Variants in CRCP observed in about 807,000 individuals in gnomAD.
CRCP encodes the protein CGRP receptor component, also known as DNA-directed RNA polymerase III subunit RPC9.
In CRCP, 18 loss-of-function variants were observed where a neutral mutation model predicts 18.5. The observed-to-expected ratio is 0.97, with a 90% CI of 0.67 to 1.44. The LOEUF (loss-of-function observed/expected upper bound fraction) is 1.44. Ranked by LOEUF, CRCP falls within the 40% of genes most tolerant of loss-of-function variation. The pLI, the probability that CRCP is intolerant of heterozygous loss-of-function variation, is 0.00. For missense variants in CRCP, 130 were observed against 176.4 expected, an observed-to-expected ratio of 0.74 and a Z score of 1.49; for synonymous variants, 53 against 62.9, an observed-to-expected ratio of 0.84 and a Z score of 0.75.
At chr7:66,132,374 G>A (rs1054118143) in intron 3 of CRCP, among the ~76,000 whole-genome samples, 8 of 151,992 alleles carry the variant, frequency 5.3e-5, no homozygotes, top group South Asian at 2.1e-4. Context: ...CCAAAGTCTC[G>A]TCAAGTATTT....
chr7:66,141,338 G>C (rs1292913670), intron 4 of CRCP, among the ~76,000 whole-genome samples: 3 of 151,802 alleles, frequency 2.0e-5, no homozygotes, highest in East Asian at 3.9e-4. Flanking sequence ...TTTTTTCATA[G>C]TCATTAACCA....
intron 5 of CRCP, 105 bp from the exon 6 acceptor site, chr7:66,152,103 T>G (rs948912197): frequency 3.9e-6 from 5 of 1,293,736 alleles, no homozygotes; most frequent in Non-Finnish European, 5.4e-6. Context: ...GGCTGTGAGG[T>G]CTGTGTGCCA....
intron 5 of CRCP, among the ~76,000 whole-genome samples, chr7:66,151,702 T>TAA: frequency 6.6e-6 from 1 of 151,118 alleles, no homozygotes; most frequent in African/African-American, 2.4e-5. Context: ...TGTGTGTGTG[T>TAA]GTGTGTGTGT....
At chr7:66,151,814 C>T (rs775187424) in intron 5 of CRCP, among the ~76,000 whole-genome samples, 28 of 141,440 alleles carry the variant, frequency 2.0e-4, no homozygotes, top group Admixed American at 9.6e-4. Flanking sequence ...GTGCTTGGCT[C>T]GACCTCCTGG....
Position 66,144,986 on chromosome 7 carries a change from T to TA in CRCP, c.240-450dup, listed in dbSNP as rs574006920. Among the ~76,000 whole-genome samples, 340 of 152,000 alleles carry TA rather than the reference T, an allele frequency of 2.2e-3. 1 individual carries two copies. Among genetic ancestry groups the TA allele is most frequent in the African/African-American group, 7.0e-3 (290 of 41,470 alleles). Reference sequence around the variant, plus strand: ...CAACATGATGAAACCCCATCTCTGCTAAAAAAATACCAAAAATTTACTGGG... The same window carrying TA: ...CAACATGATGAAACCCCATCTCTGCTAAAAAAAATACCAAAAATTTACTGGG... On this transcript the variant is annotated intron_variant, in intron 4 of 5. Coordinates refer to ENST00000395326, the MANE Select transcript of CRCP (RefSeq NM_014478.5).
chr7:66,120,183 C>CA (rs929961681), intron 1 of CRCP, among the ~76,000 whole-genome samples: 7 of 139,796 alleles, frequency 5.0e-5, no homozygotes, highest in Admixed American at 3.6e-4. Context: ...GACCCCGTCT[C>CA]AAAAAAAAAG....
intron 3 of CRCP, 108 bp downstream of exon 3, chr7:66,130,950 A>C (rs1328539799): frequency 4.3e-6 from 3 of 698,736 alleles, no homozygotes; most frequent in Non-Finnish European, 7.7e-6. Flanking sequence ...TATGATCTGA[A>C]TGTTTTATTC....
At chr7:66,138,513 C>T (rs1327499297) in intron 4 of CRCP, among the ~76,000 whole-genome samples, 18 of 150,832 alleles carry the variant, frequency 1.2e-4, no homozygotes, top group African/African-American at 3.2e-4. Flanking sequence ...AGCCTGGGCG[C>T]GGTGGCTCAC....
intron 4 of CRCP, 57 bp from the exon 5 acceptor site, chr7:66,145,386 T>C: frequency 6.4e-7 from 1 of 1,563,534 alleles, no homozygotes; most frequent in Non-Finnish European, 8.8e-7. Flanking sequence ...TGCAGCTCAG[T>C]CAGGACTCAG....
chr7:66,151,306 A>C (rs1259511139), intron 5 of CRCP, among the ~76,000 whole-genome samples: 1 of 151,868 alleles, frequency 6.6e-6, no homozygotes, highest in Non-Finnish European at 1.5e-5. Flanking sequence ...ACAGTGGCTC[A>C]CGCCTGTAAT....
chr7:66,133,858 C>CTTTTTT, intron 3 of CRCP, among the ~76,000 whole-genome samples: 1 of 96,710 alleles, frequency 1.0e-5, no homozygotes, highest in Non-Finnish European at 2.0e-5. Flanking sequence ...TTTTTGTTTT[C>CTTTTTT]TTTTTTTTTT....
At chr7:66,132,668 C>A (rs1293445642) in intron 3 of CRCP, among the ~76,000 whole-genome samples, 1 of 152,168 alleles carries the variant, frequency 6.6e-6, no homozygotes, top group African/African-American at 2.4e-5. Flanking sequence ...GTAATCCCAG[C>A]ACTTTGGGAG....
intron 3 of CRCP, among the ~76,000 whole-genome samples, chr7:66,131,952 G>T (rs1402682184): frequency 1.9e-5 from 1 of 52,154 alleles, no homozygotes; most frequent in Non-Finnish European, 3.9e-5. Flanking sequence ...GTAGAGACAG[G>T]GTTTCTCCAT....
At chr7:66,138,773 A>T (rs1163115475) in intron 4 of CRCP, among the ~76,000 whole-genome samples, 3 of 147,558 alleles carry the variant, frequency 2.0e-5, no homozygotes, top group Non-Finnish European at 4.5e-5. Context: ...GGCCTGGGGG[A>T]CAGAGCGAGA....
At chr7:66,141,934 G>A (rs1788153358) in intron 4 of CRCP, among the ~76,000 whole-genome samples, 1 of 152,154 alleles carries the variant, frequency 6.6e-6, no homozygotes, top group Admixed American at 6.5e-5. Context: ...CCACAGCAGT[G>A]CTCAGCTCCT....
chr7:66,114,874 C>G lies in CRCP; in HGVS notation c.-89C>G. 6.2e-7 allele frequency: 1 copy of G among 1,606,082 alleles called. No homozygotes were observed. The highest frequency in any genetic ancestry group is 1.7e-5 in the Admixed American group (1 of 59,764). On this transcript the variant is annotated 5_prime_UTR_variant, in exon 1 of 6. Coordinates refer to ENST00000395326, the MANE Select transcript of CRCP (RefSeq NM_014478.5). ...CGAGCACCTTGGCGCGCGGAGCTGGCACCTTGGCGCTGTTGGTGGCGGCGG... is the reference window on the plus strand; with the variant it reads ...CGAGCACCTTGGCGCGCGGAGCTGGGACCTTGGCGCTGTTGGTGGCGGCGG...
chr7:66,137,003 C>T (rs554982771), intron 4 of CRCP, among the ~76,000 whole-genome samples: 4 of 151,948 alleles, frequency 2.6e-5, no homozygotes, highest in African/African-American at 9.7e-5. Context: ...ATCACTTGAA[C>T]CTGGGAGATG....
chr7:66,134,450 T>C (rs780521327), intron 4 of CRCP, 76 bp downstream of exon 4: 72 of 1,078,352 alleles, frequency 6.7e-5, no homozygotes, highest in Non-Finnish European at 9.8e-5. Flanking sequence ...CAACCGTGTA[T>C]TGATATTCGG....
intron 4 of CRCP, among the ~76,000 whole-genome samples, chr7:66,143,606 A>G (rs1162929699): frequency 6.6e-6 from 1 of 152,178 alleles, no homozygotes; most frequent in Non-Finnish European, 1.5e-5. Context: ...GATTACAAGC[A>G]GTAGAAATTG....
Sources: gnomAD v4.1 joint callset for allele counts (sites outside exome capture counted in the v4.1 genomes callset) on GRCh38, gnomAD v4.1.1 for gene constraint, MANE v1.5 for transcripts, NCBI Gene and HGNC (gene_info 2026-07-23, HGNC 2026-07-21) for gene names.